ZNF185: variants seen among roughly 807,000 people sequenced by gnomAD.
ZNF185 encodes the protein zinc finger protein 185.
A neutral mutation model predicts 58.6 loss-of-function variants in ZNF185; 56 were observed. The observed-to-expected ratio is 0.95, with a 90% CI of 0.77 to 1.19. The LOEUF is 1.19. Among genes scored for constraint, ZNF185 ranks in the 50% most tolerant of loss-of-function variants. The probability of loss-of-function intolerance (pLI) is 0.00; values close to 1 mark genes in which losing one functional copy is unlikely to be tolerated. For synonymous variants in ZNF185, 230 were observed against 215.9 expected, an observed-to-expected ratio of 1.07 and a Z score of -0.57; for missense variants, 627 against 573.5, an observed-to-expected ratio of 1.09 and a Z score of -0.95.
chrX:152,909,859 C>T (rs1379960015), upstream of ZNF185, among the ~76,000 whole-genome samples: 1 of 110,645 alleles, frequency 9.0e-6, no homozygotes, highest in Non-Finnish European at 1.9e-5. Context: ...TGTTCATTCT[C>T]CTCACCTCCC....
At chrX:152,944,414 G>A (rs782027363) in intron 15 of ZNF185, among the ~76,000 whole-genome samples, 1 of 112,513 alleles carries the variant, frequency 8.9e-6, no homozygotes, top group East Asian at 2.8e-4. Flanking sequence ...AGGTGATGGC[G>A]AAGTAGATTT....
At chrX:152,927,830 G>A (rs868949515) in intron 11 of ZNF185, among the ~76,000 whole-genome samples, 1 of 89,713 alleles carries the variant, frequency 1.1e-5, no homozygotes. Flanking sequence ...AGGGACAAAG[G>A]CAGGAGTGAC....
At chrX:152,943,187 G>T (rs187947253) in intron 15 of ZNF185, among the ~76,000 whole-genome samples, 1 of 110,968 alleles carries the variant, frequency 9.0e-6, no homozygotes, top group Non-Finnish European at 1.9e-5. Context: ...GTAGAGAGGA[G>T]TTTTTGCCAT....
intron 17 of ZNF185, among the ~76,000 whole-genome samples, chrX:152,963,150 A>G (rs1310194810): frequency 8.9e-6 from 1 of 112,916 alleles, no homozygotes; most frequent in South Asian, 3.6e-4. Context: ...GTTGACAGCT[A>G]CGGCAGCTTT....
chrX:152,954,672 CCT>C (rs782553212), intron 16 of ZNF185, among the ~76,000 whole-genome samples: 81 of 112,233 alleles, frequency 7.2e-4, no homozygotes, highest in Middle Eastern at 9.3e-3. Flanking sequence ...TGTATCTCCC[CCT>C]GTGTTGTTCA....
chrX:152,909,062 TG>T, the ZNF185 span, among the ~76,000 whole-genome samples: 1 of 112,836 alleles, frequency 8.9e-6, no homozygotes, highest in Admixed American at 9.3e-5. Context: ...TGCTGGGACC[TG>T]GGTGCAGCCC....
At chrX:152,973,164 C>G (rs2050744465) in exon 23 of ZNF185, 1 of 111,960 alleles carries the variant, frequency 8.9e-6, no homozygotes, top group Non-Finnish European at 1.9e-5. Context: ...ATCCCTGAGT[C>G]TCAGTGCAGG....
At chrX:152,912,551 C>T (rs186245334), upstream of ZNF185, among the ~76,000 whole-genome samples, 637 of 111,629 alleles carry the variant, frequency 5.7e-3, 5 homozygotes, top group African/African-American at 0.019. Context: ...TGTGGATGAC[C>T]GTCACCTGCT....
At chrX:152,963,388 T>A (rs782783687) in intron 17 of ZNF185, among the ~76,000 whole-genome samples, 6 of 112,706 alleles carry the variant, frequency 5.3e-5, no homozygotes, top group Non-Finnish European at 1.1e-4. Flanking sequence ...TTTCATTTGG[T>A]CCTCTGCCCC....
At chrX:152,927,414 C>T (rs1265037216) in intron 11 of ZNF185, among the ~76,000 whole-genome samples, 1 of 111,430 alleles carries the variant, frequency 9.0e-6, no homozygotes, top group African/African-American at 3.3e-5. Context: ...CCCGCTGACC[C>T]AGCCCTCCAT....
Position 152,922,257 on chromosome X carries a change from G to C in ZNF185, c.740+1G>C. 8.5e-7 allele frequency: 1 copy of C among 1,175,383 alleles called. No homozygotes were observed. Among genetic ancestry groups the C allele is most frequent in the Non-Finnish European group, 1.1e-6 (1 of 876,560 alleles). The stretch of plus-strand genomic sequence containing the variant: ...CAAGATCCACTCCTGGCTCAAACAG[G>C]TAATCCATTGCGCTCATCTCTGCCT... On this transcript the variant is annotated splice_donor_variant, in intron 10 of 22. Transcript: ENST00000449285. LOFTEE classifies it high-confidence loss of function.
chrX:152,959,150 C>T (rs1219659207), intron 16 of ZNF185, among the ~76,000 whole-genome samples: 1 of 112,527 alleles, frequency 8.9e-6, no homozygotes, highest in African/African-American at 3.2e-5. Context: ...CTGGCCCTTC[C>T]CCCCTTTGTG....
At chrX:152,913,533 G>A (rs1193090625), upstream of ZNF185, among the ~76,000 whole-genome samples, 1 of 112,747 alleles carries the variant, frequency 8.9e-6, no homozygotes, top group East Asian at 2.8e-4. Flanking sequence ...AGAGCAGGGC[G>A]AGAAGACACA....
chrX:152,968,936 AG>A (rs2050398552), intron 20 of ZNF185, among the ~76,000 whole-genome samples: 1 of 111,585 alleles, frequency 9.0e-6, no homozygotes, highest in Non-Finnish European at 1.9e-5. Flanking sequence ...GAGTATAGGC[AG>A]GGGCAGAGCT....
At chrX:152,905,717 G>C in the ZNF185 span, among the ~76,000 whole-genome samples, 3 of 108,727 alleles carry the variant, frequency 2.8e-5, no homozygotes, top group African/African-American at 6.9e-5. Context: ...CAGGCTTGGG[G>C]GGGGGGCGGG....
In ZNF185 at chrX:152,937,213, G is replaced by A. The variant is rs575572248; in HGVS notation, c.1122-861G>A. ...AGGGCTAAGGGGAATGGGTGGACGT[G>A]GGGCAGGGAGCTGGAAGAACACTCG... On this transcript the variant is annotated intron_variant, in intron 14 of 22. Transcript: ENST00000449285. Among the ~76,000 whole-genome samples, 67 of 112,000 alleles carry A rather than the reference G, an allele frequency of 6.0e-4. No homozygotes were observed. In the South Asian group the frequency reaches 0.016, roughly 27 times the overall value.
chrX:152,933,044 GGGCTGCT>G, intron 14 of ZNF185, 73 bp downstream of exon 15: 1 of 729,819 alleles, frequency 1.4e-6, no homozygotes, highest in Non-Finnish European at 2.0e-6. Context: ...CAGGCTGCTT[GGGCTGCT>G]ATGGGTGGGG....
At chrX:152,941,615 C>T in intron 15 of ZNF185, 2 of 1,127,547 alleles carry the variant, frequency 1.8e-6, no homozygotes, top group South Asian at 2.1e-5. Flanking sequence ...GAGCACGCGC[C>T]CGTAGTGAGT....
the ZNF185 span, among the ~76,000 whole-genome samples, chrX:152,908,180 T>A: frequency 8.9e-6 from 1 of 112,396 alleles, no homozygotes; most frequent in East Asian, 2.8e-4. Context: ...CCACAGCCCA[T>A]GGGGACAGTG....
Sources: gnomAD v4.1 joint callset for allele counts (sites outside exome capture counted in the v4.1 genomes callset) on GRCh38, gnomAD v4.1.1 for gene constraint, MANE v1.5 for transcripts, NCBI Gene and HGNC (gene_info 2026-07-23, HGNC 2026-07-21) for gene names.